Variants in PCSK5 observed in about 807,000 individuals in gnomAD.
The protein encoded by PCSK5 is proprotein convertase subtilisin/kexin type 5.
A neutral mutation model predicts 233.2 loss-of-function variants in PCSK5; 129 were observed. The observed-to-expected ratio is 0.55, with a 90% confidence interval of 0.48 to 0.64. PCSK5 has a LOEUF of 0.64. Among genes scored for constraint, PCSK5 ranks in the 30% least tolerant of loss-of-function variants. The pLI, the probability that PCSK5 is intolerant of heterozygous loss-of-function variation, is 0.00. For synonymous variants in PCSK5, 825 were observed against 879.2 expected (o/e 0.94, Z 1.09); for missense variants, 2,076 against 2,430.1 (o/e 0.85, Z 3.06).
At chr9:76,281,577 A>G (rs562139908) in intron 24 of PCSK5, among the ~76,000 whole-genome samples, 1 of 152,348 alleles carries the variant, frequency 6.6e-6, no homozygotes, top group African/African-American at 2.4e-5. Context: ...GATGTGCAAG[A>G]TTAATGTTGT....
Position 75,906,198 on chromosome 9 carries a change from A to T in PCSK5, c.192+14825A>T, listed in dbSNP as rs75762419. 6.3e-3 allele frequency among the ~76,000 whole-genome samples: 956 copies of T among 152,238 alleles called. 8 individuals are homozygous for T. The highest frequency in any genetic ancestry group is 0.022 in the African/African-American group (914 of 41,538). On this transcript the variant is annotated intron_variant, in intron 1 of 37. Transcript: ENST00000674117. ...AGAGAACTCATTTAGTTGGTCAGGG[A>T]GACTCACTGAGGAGGAACACTTGAG...
chr9:76,097,411 C>A (rs1250552370), intron 8 of PCSK5, among the ~76,000 whole-genome samples: 3 of 144,272 alleles, frequency 2.1e-5, no homozygotes, highest in Non-Finnish European at 4.4e-5. Flanking sequence ...AGGCGCCCGC[C>A]ACCGCGCCCG....
At chr9:76,099,787 C>T (rs1279321046) in intron 8 of PCSK5, among the ~76,000 whole-genome samples, 2 of 152,138 alleles carry the variant, frequency 1.3e-5, no homozygotes, top group Non-Finnish European at 2.9e-5. Flanking sequence ...TTGAGTGCTA[C>T]AGGAATGGCA....
At chr9:76,316,052 T>C (rs12336200) in intron 30 of PCSK5, among the ~76,000 whole-genome samples, 28,120 of 151,852 alleles carry the variant, frequency 0.19, 2,886 homozygotes, top group African/African-American at 0.26. Flanking sequence ...GTGTTGCGTC[T>C]TTTTAGCTCT....
At chr9:76,326,291 T>TG (rs1829356804) in intron 32 of PCSK5, among the ~76,000 whole-genome samples, 1 of 151,896 alleles carries the variant, frequency 6.6e-6, no homozygotes, top group Non-Finnish European at 1.5e-5. Context: ...GAGGCTGAGA[T>TG]GGGGGGATCA....
intron 20 of PCSK5, among the ~76,000 whole-genome samples, chr9:76,224,386 CAA>C (rs1040820101): frequency 1.3e-5 from 2 of 151,288 alleles, no homozygotes; most frequent in Admixed American, 1.3e-4. Context: ...AGTAAAAAGC[CAA>C]AGAGAAGACA....
intron 20 of PCSK5, among the ~76,000 whole-genome samples, chr9:76,197,694 A>G (rs1166881895): frequency 1.5e-5 from 2 of 132,000 alleles, no homozygotes; most frequent in African/African-American, 5.8e-5. Context: ...GGCTCAGCCA[A>G]TTTAATACCC....
intron 24 of PCSK5, among the ~76,000 whole-genome samples, chr9:76,277,785 GC>G (rs765201224): frequency 9.9e-5 from 15 of 152,220 alleles, no homozygotes; most frequent in Admixed American, 2.6e-4. Context: ...ATTATTTGAG[GC>G]AATTCTAAGT....
intron 3 of PCSK5, among the ~76,000 whole-genome samples, chr9:75,999,467 A>G (rs1355653737): frequency 6.6e-6 from 1 of 152,224 alleles, no homozygotes; most frequent in Non-Finnish European, 1.5e-5. Flanking sequence ...GTTTCTATAG[A>G]TATTAAATTA....
Position 76,273,564 on chromosome 9 carries a change from A to AATATATATATATATATATATATAT in PCSK5, c.3143-18658_3143-18657insTATATATATATATATATATATATA, listed in dbSNP as rs1336491411. ...TCTTCTTATAGATTAACAAAATAGT[A>AATATATATATATATATATATATAT]ATATATATATACATATATATATATA... On this transcript the variant is annotated intron_variant, in intron 24 of 37. Transcript: ENST00000674117. Among the ~76,000 whole-genome samples the AATATATATATATATATATATATAT allele has an allele frequency of 3.5e-3, 261 of 74,580 alleles. 3 individuals carry two copies. Among genetic ancestry groups the AATATATATATATATATATATATAT allele is most frequent in the African/African-American group, 4.9e-3 (97 of 19,686 alleles). The allele number at this position is 74,580 out of a possible 152,430, so 48.9% of individuals were successfully genotyped here.
intron 2 of PCSK5, among the ~76,000 whole-genome samples, chr9:75,984,371 T>C (rs1826409923): frequency 6.6e-6 from 1 of 152,186 alleles, no homozygotes; most frequent in Non-Finnish European, 1.5e-5. Flanking sequence ...ACATGATACT[T>C]TCCGGTTTAT....
At chr9:75,898,659 A>G (rs1164474707) in intron 1 of PCSK5, among the ~76,000 whole-genome samples, 5 of 101,188 alleles carry the variant, frequency 4.9e-5, no homozygotes. Context: ...GAGATGTGGG[A>G]TAAGAAAAAA....
At chr9:76,068,402 G>A (rs1830362641) in intron 6 of PCSK5, among the ~76,000 whole-genome samples, 1 of 152,088 alleles carries the variant, frequency 6.6e-6, no homozygotes, top group Non-Finnish European at 1.5e-5. Flanking sequence ...TATCTCTATG[G>A]AAAGAAGCAT....
intron 35 of PCSK5, 86 bp from the exon 36 acceptor site, chr9:76,350,742 T>C: frequency 1.2e-6 from 1 of 829,294 alleles, no homozygotes. Context: ...TTACTTGACA[T>C]ATTCCTTGTT....
At chr9:76,259,038 C>T (rs1176952614) in intron 24 of PCSK5, among the ~76,000 whole-genome samples, 1 of 152,216 alleles carries the variant, frequency 6.6e-6, no homozygotes, top group East Asian at 1.9e-4. Context: ...TTAACAAACA[C>T]CTCATATGAT....
At chr9:76,322,747 A>G (rs943372583) in intron 31 of PCSK5, among the ~76,000 whole-genome samples, 2 of 152,184 alleles carry the variant, frequency 1.3e-5, no homozygotes, top group Non-Finnish European at 2.9e-5. Context: ...TTCAAACAAT[A>G]CCGCCAGCCT....
intron 32 of PCSK5, among the ~76,000 whole-genome samples, chr9:76,324,565 C>G (rs1370267209): frequency 6.6e-6 from 1 of 152,090 alleles, no homozygotes; most frequent in East Asian, 1.9e-4. Flanking sequence ...AGCTCCCCAC[C>G]TTCCTCTTCA....
intron 35 of PCSK5, among the ~76,000 whole-genome samples, chr9:76,341,178 T>C (rs1448796023): frequency 6.6e-6 from 1 of 152,134 alleles, no homozygotes; most frequent in Non-Finnish European, 1.5e-5. Context: ...TGAGCCATGA[T>C]TGTGCCACTG....
intron 2 of PCSK5, among the ~76,000 whole-genome samples, chr9:75,964,552 C>T (rs1335167467): frequency 1.3e-5 from 2 of 152,150 alleles, no homozygotes; most frequent in Non-Finnish European, 1.5e-5. Context: ...CTAGCACCAC[C>T]CCACCTGCCT....
Sources: gnomAD v4.1 joint callset for allele counts (sites outside exome capture counted in the v4.1 genomes callset) on GRCh38, gnomAD v4.1.1 for gene constraint, MANE v1.5 for transcripts, NCBI Gene and HGNC (gene_info 2026-07-23, HGNC 2026-07-21) for gene names.